Variants in PID1 observed in about 807,000 individuals in gnomAD.
PID1 encodes the protein phosphotyrosine interaction domain containing 1.
In PID1, 10 loss-of-function variants were observed where a neutral mutation model predicts 19.1. The ratio of observed to expected loss-of-function variants is 0.52; its 90% CI spans 0.32 to 0.89. PID1 has a LOEUF of 0.89. Ranked by LOEUF, PID1 falls within the 40% of genes least tolerant of loss-of-function variation. PID1 has a pLI of 0.03. For synonymous variants in PID1, 130 were observed against 116.0 expected, an observed-to-expected ratio of 1.12 and a Z score of -0.78; for missense variants, 248 against 285.3, an observed-to-expected ratio of 0.87 and a Z score of 0.94.
intron 2 of PID1, among the ~76,000 whole-genome samples, chr2:229,084,888 C>T (rs778805335): frequency 2.0e-5 from 2 of 100,138 alleles, no homozygotes; most frequent in Non-Finnish European, 5.1e-5. Context: ...AGTTAGGATA[C>T]GGCCTAAGAA....
chr2:229,243,205 C>A (rs569849598), intron 1 of PID1, among the ~76,000 whole-genome samples: 9 of 152,190 alleles, frequency 5.9e-5, no homozygotes, highest in African/African-American at 1.9e-4. Context: ...GCCATCAGAT[C>A]TCGTGAGATT....
At chr2:229,133,484 A>G (rs1359944261) in intron 2 of PID1, among the ~76,000 whole-genome samples, 1 of 152,214 alleles carries the variant, frequency 6.6e-6, no homozygotes, top group Non-Finnish European at 1.5e-5. Flanking sequence ...CCTCAAATTT[A>G]TTGCCTGGCT....
chr2:229,076,493 A>T (rs1044357951), intron 2 of PID1, among the ~76,000 whole-genome samples: 4 of 151,982 alleles, frequency 2.6e-5, no homozygotes, highest in African/African-American at 9.7e-5. Context: ...TGCTGCACCC[A>T]TCAACTCGTC....
intron 2 of PID1, among the ~76,000 whole-genome samples, chr2:229,139,115 G>GAAAGAAAGAAAGAAAGAAAGAAAGAA (rs1210728895): frequency 1.0e-4 from 5 of 48,068 alleles, no homozygotes; most frequent in East Asian, 1.5e-3. Context: ...AAGAAAGAAA[G>GAAAGAAAGAAAGAAAGAAAGAAAGAA]AGAAAGAAAG....
chr2:229,252,634 T>C (rs1690184644), intron 1 of PID1, among the ~76,000 whole-genome samples: 1 of 151,844 alleles, frequency 6.6e-6, no homozygotes, highest in African/African-American at 2.4e-5. Flanking sequence ...TTTTAAACTC[T>C]GTATTCTTCT....
At chr2:229,173,714 G>T (rs1690755989) in intron 1 of PID1, among the ~76,000 whole-genome samples, 1 of 152,204 alleles carries the variant, frequency 6.6e-6, no homozygotes, top group South Asian at 2.1e-4. Context: ...AGAGCTGGTA[G>T]TATCAGTGCT....
At chr2:229,078,757 C>A (rs1169736912) in intron 2 of PID1, among the ~76,000 whole-genome samples, 1 of 152,106 alleles carries the variant, frequency 6.6e-6, no homozygotes, top group African/African-American at 2.4e-5. Context: ...TTACTTCCCA[C>A]CTCTCAGAAC....
Position 229,183,976 on chromosome 2 carries a change from T to TC in PID1, c.31-28013dup, listed in dbSNP as rs1218034502. Among the ~76,000 whole-genome samples the TC allele has an allele frequency of 4.8e-3, 353 of 73,874 alleles. 163 individuals are homozygous for TC. Among genetic ancestry groups the TC allele is most frequent in the African/African-American group, 0.017 (343 of 19,700 alleles). The allele number at this position is 73,874 out of a possible 152,430, so 48.5% of individuals were successfully genotyped here. On this transcript the variant is annotated intron_variant, in intron 1 of 2. Transcript: ENST00000392055. ...CCCCTATATATATCCCATATATATATCCCATATGTATGTATATATCCCATA... is the reference window on the plus strand; with the variant it reads ...CCCCTATATATATCCCATATATATATCCCCATATGTATGTATATATCCCATA...
chr2:229,185,069 T>TATATATTCTAC (rs75302836), intron 1 of PID1, among the ~76,000 whole-genome samples: 1 of 139,800 alleles, frequency 7.2e-6, no homozygotes, highest in Non-Finnish European at 1.5e-5. Flanking sequence ...ATCCTCCATA[T>TATATATTCTAC]ATATATATCC....
chr2:229,084,405 G>A (rs1284868979), intron 2 of PID1, among the ~76,000 whole-genome samples: 1 of 152,166 alleles, frequency 6.6e-6, no homozygotes, highest in South Asian at 2.1e-4. Context: ...GGCAGGAAAA[G>A]TCTTTTCTTT....
chr2:229,073,268 G>A (rs73099492), intron 2 of PID1, among the ~76,000 whole-genome samples: 27,681 of 152,024 alleles, frequency 0.18, 3,388 homozygotes, highest in African/African-American at 0.35. Flanking sequence ...CTCGTGATCC[G>A]CCTGACTCGG....
At chr2:229,111,097 G>T (rs192456557) in intron 2 of PID1, among the ~76,000 whole-genome samples, 7 of 152,244 alleles carry the variant, frequency 4.6e-5, no homozygotes, top group Middle Eastern at 3.4e-3. Flanking sequence ...TGCTGCCATG[G>T]AAGACTTGCC....
At chr2:229,027,088 A>G (rs1559199248) in intron 2 of PID1, among the ~76,000 whole-genome samples, 1 of 152,206 alleles carries the variant, frequency 6.6e-6, no homozygotes, top group Non-Finnish European at 1.5e-5. Context: ...CGAGGAGAGA[A>G]AGACCAGAAG....
At chr2:229,082,419 G>T (rs1157572855) in intron 2 of PID1, among the ~76,000 whole-genome samples, 1 of 152,260 alleles carries the variant, frequency 6.6e-6, no homozygotes, top group Non-Finnish European at 1.5e-5. Context: ...ATCACACAGT[G>T]AAAGAGAGTT....
chr2:229,210,139 TAA>T (rs752450558), intron 1 of PID1, among the ~76,000 whole-genome samples: 30 of 133,058 alleles, frequency 2.3e-4, no homozygotes, highest in Non-Finnish European at 2.9e-4. Flanking sequence ...TACTTGAACT[TAA>T]AAAAAAAAAA....
chr2:229,049,024 C>T (rs983438574), intron 2 of PID1, among the ~76,000 whole-genome samples: 2 of 152,046 alleles, frequency 1.3e-5, no homozygotes, highest in African/African-American at 4.8e-5. Context: ...GAGACACTGC[C>T]GATAGTAAAT....
chr2:229,064,479 G>A (rs920018626), intron 2 of PID1, among the ~76,000 whole-genome samples: 7 of 152,138 alleles, frequency 4.6e-5, no homozygotes, highest in African/African-American at 1.7e-4. Context: ...GAAATGGTCT[G>A]AGCTGCATAG....
rs116771854 is a variant in PID1, at chr2:229,043,533, C to A, written c.178-17425G>T. On this transcript the variant is annotated intron_variant, in intron 2 of 2. Coordinates refer to ENST00000392055, the MANE Select transcript of PID1 (RefSeq NM_001100818.2). ...CGGACTCAGGATATTTTGAGACGAA[C>A]GGCTACTTCAGCAAGCACATTTATT... Among the ~76,000 whole-genome samples the A allele has an allele frequency of 3.3e-3, 502 of 152,260 alleles. 3 individuals carry two copies. The highest frequency in any genetic ancestry group is 0.011 in the African/African-American group (475 of 41,558).
chr2:229,173,149 A>G (rs1690745750), intron 1 of PID1, among the ~76,000 whole-genome samples: 1 of 152,138 alleles, frequency 6.6e-6, no homozygotes, highest in Admixed American at 6.5e-5. Context: ...GCCACTGCCA[A>G]TCATTATTTG....
Sources: gnomAD v4.1 joint callset for allele counts (sites outside exome capture counted in the v4.1 genomes callset) on GRCh38, gnomAD v4.1.1 for gene constraint, MANE v1.5 for transcripts, NCBI Gene and HGNC (gene_info 2026-07-23, HGNC 2026-07-21) for gene names.